The following FHOD3 variants were observed in gnomAD, a reference collection of about 807,000 sequenced individuals.
FHOD3 encodes the protein formin homology 2 domain containing 3, also known as FH1/FH2 domain-containing protein 3.
In FHOD3, 90 loss-of-function variants were observed where a neutral mutation model predicts 173.0. The observed-to-expected ratio is 0.52, with a 90% CI of 0.44 to 0.62. The LOEUF (loss-of-function observed/expected upper bound fraction) is 0.62, where lower values mean the gene tolerates loss of function less well. Among genes scored for constraint, FHOD3 ranks in the 20% least tolerant of loss-of-function variants. The pLI, the probability that FHOD3 is intolerant of heterozygous loss-of-function variation, is 0.00. For synonymous variants in FHOD3, 828 were observed against 823.0 expected (o/e 1.01, Z -0.10); for missense variants, 1,945 against 2,034.7 (o/e 0.96, Z 0.85).
intron 2 of FHOD3, among the ~76,000 whole-genome samples, chr18:36,370,530 G>T (rs989386031): frequency 6.6e-6 from 1 of 152,108 alleles, no homozygotes; most frequent in South Asian, 2.1e-4. Flanking sequence ...AGAATTATGT[G>T]GGGAAACACA....
At chr18:36,474,939 G>A (rs1420132178) in intron 3 of FHOD3, among the ~76,000 whole-genome samples, 1 of 150,914 alleles carries the variant, frequency 6.6e-6, no homozygotes, top group African/African-American at 2.4e-5. Flanking sequence ...CTAGTTTTGG[G>A]CTCAGCTAGT....
At position 36,477,540 on chromosome 18, in the gene FHOD3, CACCCACCTACCTACCTACCTACCT is replaced by C. The variant is rs1265259090; in HGVS notation, c.338-24388_338-24365del. Among the ~76,000 whole-genome samples, 47 of 108,618 alleles carry C rather than the reference CACCCACCTACCTACCTACCTACCT, an allele frequency of 4.3e-4. 1 individual carries two copies. Among genetic ancestry groups the C allele is most frequent in the Non-Finnish European group, 6.0e-4 (32 of 53,630 alleles). 71.3% of individuals were successfully genotyped at this position (108,618 alleles called of 152,430 possible). A position where few individuals can be genotyped will look rare whatever the true frequency, so the allele number is the denominator to read the frequency against. Reference sequence around the variant, plus strand: ...CCATCCATCCATCCACCCACCCACCCACCCACCTACCTACCTACCTACCTACCTACCTACCTACCTACCTACCTA... The same window carrying C: ...CCATCCATCCATCCACCCACCCACCCACCTACCTACCTACCTACCTACCTA... On this transcript the variant is annotated intron_variant, in intron 3 of 28. Transcript: ENST00000590592.
intron 1 of FHOD3, among the ~76,000 whole-genome samples, chr18:36,352,827 A>G (rs555737327): frequency 2.4e-4 from 36 of 152,374 alleles, no homozygotes; most frequent in Non-Finnish European, 1.9e-4. Context: ...AGCTGAACAC[A>G]CTAAATCAGC....
At chr18:36,390,583 CT>C (rs1268563473) in intron 3 of FHOD3, among the ~76,000 whole-genome samples, 1 of 152,106 alleles carries the variant, frequency 6.6e-6, no homozygotes, top group Admixed American at 6.5e-5. Context: ...TCAGAAAACA[CT>C]TTTTTTGAAT....
chr18:36,705,027 T>C (rs1428251525), intron 17 of FHOD3, among the ~76,000 whole-genome samples: 1 of 152,178 alleles, frequency 6.6e-6, no homozygotes. Context: ...GGACTCTTGA[T>C]TCCACACTGA....
At chr18:36,773,843 T>A (rs558947788) in intron 28 of FHOD3, among the ~76,000 whole-genome samples, 2 of 152,276 alleles carry the variant, frequency 1.3e-5, no homozygotes, top group East Asian at 3.9e-4. Context: ...TTCACCACTC[T>A]TTTTTACCCC....
At chr18:36,553,919 A>G (rs1446859377) in intron 5 of FHOD3, among the ~76,000 whole-genome samples, 5 of 152,332 alleles carry the variant, frequency 3.3e-5, no homozygotes, top group African/African-American at 4.8e-5. Context: ...GATAAATGCA[A>G]ATCAAAACCA....
intron 5 of FHOD3, among the ~76,000 whole-genome samples, chr18:36,533,111 C>T (rs12458234): frequency 0.58 from 88,710 of 152,048 alleles, 25,907 homozygotes; most frequent in East Asian, 0.62. Flanking sequence ...AGCTTCAACA[C>T]ATGAAGGACC....
In FHOD3 at chr18:36,779,525, C is replaced by G; in HGVS notation, c.4864C>G (p.Leu1622Val). 6.2e-7 allele frequency: 1 copy of G among 1,614,038 alleles called. No individual in the cohort carries two copies. The highest frequency in any genetic ancestry group is 8.5e-7 in the Non-Finnish European group (1 of 1,179,936). ...LGLVGTSELQ[L>V] ...CTTGGTTGGCACCTCGGAGTTGCAG[C>G]TGTGACACTCATAGGTTACTCCCAG... is the stretch of plus-strand genomic sequence containing the variant. Residue 1622 changes from leucine to valine, a missense_variant, in exon 29 of 29, where the codon CTG (leucine) becomes GTG (valine). Coordinates refer to ENST00000590592, the MANE Select transcript of FHOD3 (RefSeq NM_001281740.3).
chr18:36,502,024 T>C, intron 4 of FHOD3, 25 bp downstream of exon 4: 1 of 1,455,802 alleles, frequency 6.9e-7, no homozygotes, highest in Non-Finnish European at 9.5e-7. Context: ...AATAAGTACT[T>C]ACCTGTTTTT....
chr18:36,357,144 G>A (rs566682588), intron 2 of FHOD3, among the ~76,000 whole-genome samples: 22 of 152,290 alleles, frequency 1.4e-4, no homozygotes, highest in African/African-American at 4.1e-4. Context: ...TTCATGAATA[G>A]CTCAATTAAT....
At chr18:36,778,008 G>A (rs1221230394) in intron 28 of FHOD3, 1 of 152,164 alleles carries the variant, frequency 6.6e-6, no homozygotes, top group Non-Finnish European at 1.5e-5. Context: ...ATCATTTGTT[G>A]GTTGACCAAT....
chr18:36,368,101 T>TTC (rs146735866), intron 2 of FHOD3, among the ~76,000 whole-genome samples: 186 of 149,396 alleles, frequency 1.2e-3, no homozygotes, highest in Admixed American at 3.5e-3. Context: ...CCAGCTCCTA[T>TTC]TCTCTCTCTC....
chr18:36,392,027 C>T (rs2048325098), intron 3 of FHOD3, among the ~76,000 whole-genome samples: 1 of 152,210 alleles, frequency 6.6e-6, no homozygotes, highest in Non-Finnish European at 1.5e-5. Flanking sequence ...CTCTGGCTGT[C>T]CTGCCCAGTG....
chr18:36,665,364 C>CAG (rs981895673), intron 14 of FHOD3, among the ~76,000 whole-genome samples: 1 of 152,178 alleles, frequency 6.6e-6, no homozygotes, highest in Non-Finnish European at 1.5e-5. Flanking sequence ...GTGGCAGAAG[C>CAG]AGAAGATGAG....
intron 1 of FHOD3, among the ~76,000 whole-genome samples, chr18:36,337,861 G>A (rs1238259234): frequency 1.3e-5 from 2 of 152,124 alleles, no homozygotes; most frequent in Non-Finnish European, 2.9e-5. Flanking sequence ...ATCTCACAGT[G>A]GGGCTTTCTG....
At chr18:36,607,880 T>G (rs2032250713) in intron 8 of FHOD3, among the ~76,000 whole-genome samples, 1 of 152,240 alleles carries the variant, frequency 6.6e-6, no homozygotes, top group African/African-American at 2.4e-5. Flanking sequence ...ATACCTTGAT[T>G]CTCGTTTCCA....
chr18:36,299,572 T>A (rs1222137679), intron 1 of FHOD3, among the ~76,000 whole-genome samples: 1 of 152,196 alleles, frequency 6.6e-6, no homozygotes, highest in Non-Finnish European at 1.5e-5. Flanking sequence ...TGGGTTGACC[T>A]TTCAAGCTGG....
chr18:36,530,406 G>C (rs1405553267), intron 5 of FHOD3, among the ~76,000 whole-genome samples: 2 of 152,128 alleles, frequency 1.3e-5, no homozygotes, highest in Admixed American at 1.3e-4. Context: ...CACTAGGGCA[G>C]GGGCATCATC....
Sources: allele counts gnomAD v4.1 joint callset (sites outside exome capture counted in the v4.1 genomes callset), GRCh38; gene constraint gnomAD v4.1.1; transcripts MANE v1.5; gene names NCBI Gene and HGNC (gene_info 2026-07-23, HGNC 2026-07-21).